RAD51AP1: variants seen among roughly 807,000 people sequenced by gnomAD.
RAD51AP1 encodes RAD51 associated protein 1.
RAD51AP1 carries 14 observed loss-of-function variants against 34.3 expected under a neutral mutation model. The ratio of observed to expected loss-of-function variants is 0.41; its 90% CI spans 0.27 to 0.64. The LOEUF (loss-of-function observed/expected upper bound fraction) is 0.64, where lower values mean the gene tolerates loss of function less well. Among genes scored for constraint, RAD51AP1 ranks in the 30% least tolerant of loss-of-function variants. The pLI is 0.33. For missense variants in RAD51AP1, 348 were observed against 386.9 expected, an observed-to-expected ratio of 0.90 and a Z score of 0.84; for synonymous variants, 114 against 129.8, an observed-to-expected ratio of 0.88 and a Z score of 0.83.
In RAD51AP1 at chr12:4,558,847, T is replaced by TCTGCTACC. The variant is rs1249778894; in HGVS notation, c.872-10_872-9insCTGCTACC. Reference sequence around the variant, plus strand: ...ACATCATCAGCATCACATCATATGTTTCCTTTCAGCGGCATCTGGAGGTAG... The same window carrying TCTGCTACC: ...ACATCATCAGCATCACATCATATGTTCTGCTACCTCCTTTCAGCGGCATCTGGAGGTAG... On this transcript the variant is annotated splice_polypyrimidine_tract_variant and intron_variant, in intron 8 of 8. Coordinates refer to ENST00000352618, the MANE Select transcript of RAD51AP1 (RefSeq NM_006479.5). 1 of 1,608,558 alleles carries TCTGCTACC rather than the reference T, an allele frequency of 6.2e-7. No individual in the cohort carries two copies. The highest frequency in any genetic ancestry group is 1.1e-5 in the South Asian group (1 of 90,948).
intron 7 of RAD51AP1, among the ~76,000 whole-genome samples, chr12:4,554,335 A>G (rs995467327): frequency 7.2e-5 from 11 of 152,304 alleles, no homozygotes; most frequent in African/African-American, 2.2e-4. Flanking sequence ...CTGTGATTAC[A>G]TTGGGCCCCT....
intron 6 of RAD51AP1, 93 bp downstream of exon 6, chr12:4,548,929 CT>C (rs2137266551): frequency 1.4e-6 from 2 of 1,390,890 alleles, no homozygotes; most frequent in African/African-American, 2.9e-5. Flanking sequence ...TGTGTTAAAC[CT>C]TTGGGGTGTG....
chr12:4,557,597 C>T (rs1291054916), intron 8 of RAD51AP1, among the ~76,000 whole-genome samples: 3 of 151,292 alleles, frequency 2.0e-5, no homozygotes, highest in Non-Finnish European at 4.4e-5. Context: ...TTAATGCTTC[C>T]CCAATGAAGG....
intron 7 of RAD51AP1, chr12:4,553,348 G>T (rs575373215): frequency 8.0e-4 from 267 of 332,038 alleles, no homozygotes; most frequent in African/African-American, 5.3e-3. Context: ...AGCACTTACT[G>T]TATATGACCT....
rs779932922 is a variant in RAD51AP1 at position 4,544,148 on chromosome 12, A to G, written c.209+244A>G. 4.2e-4 allele frequency among the ~76,000 whole-genome samples: 59 copies of G among 140,686 alleles called. 1 individual carries two copies. The highest frequency in any genetic ancestry group is 2.3e-4 in the Non-Finnish European group (14 of 60,996). 92.3% of individuals were successfully genotyped at this position (140,686 alleles called of 152,430 possible). A position where few individuals can be genotyped will look rare whatever the true frequency, so the allele number is the denominator to read the frequency against. ...ATGATTGTAGAATTCAGAAGTTATG[A>G]CTGGTTTTGACAGGACCCAGCACTT... is the stretch of plus-strand genomic sequence containing the variant. On this transcript the variant is annotated intron_variant, in intron 3 of 8. Transcript: ENST00000352618.
chr12:4,541,908 A>ACAG lies in RAD51AP1; in HGVS notation c.43_45dup (p.Gln15dup). On this transcript the variant is annotated inframe_insertion, in exon 2 of 9. Coordinates refer to ENST00000352618, the MANE Select transcript of RAD51AP1 (RefSeq NM_006479.5). Reference sequence around the variant, plus strand: ...GACATAAGAAACCAGTCAATTACTCACAGTTTGACCACTCTGACAGTGATG... The same window carrying ACAG: ...GACATAAGAAACCAGTCAATTACTCACAGCAGTTTGACCACTCTGACAGTGATG... 6.5e-7 allele frequency: 1 copy of ACAG among 1,526,824 alleles called. No individual in the cohort carries two copies. Among genetic ancestry groups the ACAG allele is most frequent in the Non-Finnish European group, 8.8e-7 (1 of 1,134,624 alleles). 94.6% of individuals were successfully genotyped at this position (1,526,824 alleles called of 1,614,324 possible).
intron 1 of RAD51AP1, 125 bp downstream of exon 1, chr12:4,539,081 A>G (rs1944430979): frequency 4.6e-6 from 5 of 1,076,438 alleles, no homozygotes; most frequent in Non-Finnish European, 6.9e-6. Flanking sequence ...ACGGTTATCA[A>G]GAACCCAGTC....
At chr12:4,545,735 T>A (rs376143815) in intron 3 of RAD51AP1, 11 of 1,603,718 alleles carry the variant, frequency 6.9e-6, no homozygotes, top group Non-Finnish European at 6.0e-6. Flanking sequence ...TTTTATAGGA[T>A]AATTATTAGC....
intron 7 of RAD51AP1, 92 bp downstream of exon 7, chr12:4,553,239 C>A: frequency 8.9e-7 from 1 of 1,119,478 alleles, no homozygotes; most frequent in Non-Finnish European, 1.2e-6. Context: ...TTCTCTTTAA[C>A]ATTTTCCTAA....
Position 4,547,970 on chromosome 12 carries a change from C to T in RAD51AP1, c.320-122C>T. 3.0e-6 allele frequency: 3 copies of T among 983,894 alleles called. No individual in the cohort carries two copies. In the South Asian group the frequency reaches 5.9e-5, roughly 19 times the overall value. 60.9% of individuals were successfully genotyped at this position (983,894 alleles called of 1,614,324 possible). A position where few individuals can be genotyped will look rare whatever the true frequency, so the allele number is the denominator to read the frequency against. On this transcript the variant is annotated intron_variant, in intron 4 of 8. Coordinates refer to ENST00000352618, the MANE Select transcript of RAD51AP1 (RefSeq NM_006479.5). ...AACCTCTCTGAATAAAATTATTGTG[C>T]CAGTTGGAGTTTGGGATCATTTATT... is the stretch of plus-strand genomic sequence containing the variant.
At chr12:4,550,930 G>A (rs1944541887) in intron 6 of RAD51AP1, among the ~76,000 whole-genome samples, 1 of 152,154 alleles carries the variant, frequency 6.6e-6, no homozygotes, top group South Asian at 2.1e-4. Flanking sequence ...GTGAACCACT[G>A]TGCCCAGCCC....
intron 1 of RAD51AP1, among the ~76,000 whole-genome samples, chr12:4,539,676 G>C (rs531474187): frequency 6.6e-6 from 1 of 152,248 alleles, no homozygotes; most frequent in Non-Finnish European, 1.5e-5. Flanking sequence ...ACTGAGTCAT[G>C]AATCAGGGTA....
intron 4 of RAD51AP1, among the ~76,000 whole-genome samples, chr12:4,547,839 C>T (rs963791259): frequency 6.6e-6 from 1 of 152,164 alleles, no homozygotes; most frequent in Admixed American, 6.5e-5. Context: ...TGAGGAAATT[C>T]AGTCTTAGGA....
In RAD51AP1 at chr12:4,559,824, GGA is replaced by G. The variant is rs1359344953; in HGVS notation, c.*832_*833del. The G allele has an allele frequency of 6.6e-6, 1 of 152,078 alleles. No homozygotes were observed. Among genetic ancestry groups the G allele is most frequent in the African/African-American group, 2.4e-5 (1 of 41,400 alleles). The allele number at this position is 152,078 out of a possible 1,614,324, so 9.4% of individuals were successfully genotyped here. A position where few individuals can be genotyped will look rare whatever the true frequency, so the allele number is the denominator to read the frequency against. ...TGATATGAGATAGTACAGCTTTTCA[GGA>G]AGCTTAGATCTGAATTTACTTTGAA... On this transcript the variant is annotated 3_prime_UTR_variant, in exon 9 of 9. Coordinates refer to ENST00000352618, the MANE Select transcript of RAD51AP1 (RefSeq NM_006479.5).
In RAD51AP1 at chr12:4,558,956, G is replaced by C; in HGVS notation, c.971G>C (p.Arg324Pro). 6.2e-7 allele frequency: 1 copy of C among 1,614,140 alleles called. No homozygotes were observed. Among genetic ancestry groups the C allele is most frequent in the Non-Finnish European group, 8.5e-7 (1 of 1,179,994 alleles). Residue 324 changes from arginine to proline, a missense_variant, in exon 9 of 9, where the codon CGA (arginine) becomes CCA (proline). Arg to Pro is a moderately radical substitution (Grantham distance 103). Coordinates refer to ENST00000352618, the MANE Select transcript of RAD51AP1 (RefSeq NM_006479.5). ...CGCCTTGGCTTGTCCAGATTAGCAC[G>C]AGTTAAACCTTTGCATCCAAATGCC... Reference protein sequence around the residue: ...SLRLGLSRLARVKPLHPNATS... With the variant: ...SLRLGLSRLAPVKPLHPNATS...
chr12:4,554,780 T>C (rs1156919541), intron 7 of RAD51AP1, among the ~76,000 whole-genome samples: 4 of 152,236 alleles, frequency 2.6e-5, no homozygotes, highest in Non-Finnish European at 5.9e-5. Flanking sequence ...ACTTTGCGAA[T>C]TGTGTCTAGC....
intron 8 of RAD51AP1, among the ~76,000 whole-genome samples, chr12:4,557,833 G>T (rs1266588311): frequency 6.6e-6 from 1 of 152,150 alleles, no homozygotes; most frequent in African/African-American, 2.4e-5. Flanking sequence ...GTACCCTTTT[G>T]AAGGAAGCAG....
At chr12:4,539,979 G>A (rs944047308) in intron 1 of RAD51AP1, among the ~76,000 whole-genome samples, 3 of 152,172 alleles carry the variant, frequency 2.0e-5, no homozygotes, top group Non-Finnish European at 4.4e-5. Flanking sequence ...ACGGGAGCAG[G>A]AAAATCAGGT....
At chr12:4,548,374 A>T (rs149226152) in intron 5 of RAD51AP1, among the ~76,000 whole-genome samples, 196 bp downstream of exon 5, 73 of 152,306 alleles carry the variant, frequency 4.8e-4, no homozygotes, top group Non-Finnish European at 6.8e-4. Flanking sequence ...AAGGGTCATA[A>T]CTACCCGTGG....
Sources: allele counts gnomAD v4.1 joint callset (sites outside exome capture counted in the v4.1 genomes callset), GRCh38; gene constraint gnomAD v4.1.1; transcripts MANE v1.5; gene names NCBI Gene and HGNC (gene_info 2026-07-23, HGNC 2026-07-21).